Variants in PMFBP1 observed in about 807,000 individuals in gnomAD.
The protein encoded by PMFBP1 is polyamine modulated factor 1 binding protein 1, also known as polyamine-modulated factor 1-binding protein 1.
Under a neutral mutation model 137.8 loss-of-function variants are expected in PMFBP1, and 131 were observed. The ratio of observed to expected loss-of-function variants is 0.95; its 90% CI spans 0.82 to 1.10. PMFBP1 has a LOEUF of 1.10. PMFBP1 is among the 50% of genes least tolerant of loss of function. The pLI is 0.00. For synonymous variants in PMFBP1, 490 were observed against 450.4 expected, an observed-to-expected ratio of 1.09 and a Z score of -1.11; for missense variants, 1,199 against 1,175.4, an observed-to-expected ratio of 1.02 and a Z score of -0.29.
At chr16:72,211,793 G>A in the PMFBP1 span, among the ~76,000 whole-genome samples, 43 of 152,218 alleles carry the variant, frequency 2.8e-4, no homozygotes, top group African/African-American at 9.6e-4. Context: ...TCAGGAGTTC[G>A]AGAGCAGTGT....
upstream of PMFBP1, among the ~76,000 whole-genome samples, chr16:72,175,434 A>T (rs2043255229): frequency 6.6e-6 from 1 of 152,212 alleles, no homozygotes; most frequent in Non-Finnish European, 1.5e-5. Context: ...GGTTACACAA[A>T]TGCCGTAATC....
the PMFBP1 span, among the ~76,000 whole-genome samples, chr16:72,200,642 A>T: frequency 6.6e-6 from 1 of 152,276 alleles, no homozygotes; most frequent in Non-Finnish European, 1.5e-5. Context: ...CTGTGCTATT[A>T]TGCTAATATC....
chr16:72,201,173 A>C, the PMFBP1 span, among the ~76,000 whole-genome samples: 94 of 152,274 alleles, frequency 6.2e-4, no homozygotes, highest in African/African-American at 1.9e-3. Flanking sequence ...GCAATACTTT[A>C]ACAGTGACCT....
intron 4 of PMFBP1, among the ~76,000 whole-genome samples, chr16:72,152,795 A>C (rs1035920456): frequency 2.0e-5 from 3 of 151,046 alleles, no homozygotes; most frequent in Non-Finnish European, 4.4e-5. Context: ...CAGAGAGCCA[A>C]GATCGGGCCA....
At chr16:72,130,422 G>A (rs905958049) in intron 11 of PMFBP1, 65 bp from the exon 12 acceptor site, 5 of 1,609,150 alleles carry the variant, frequency 3.1e-6, no homozygotes, top group Non-Finnish European at 3.4e-6. Flanking sequence ...TTGTGGAGCT[G>A]ACCCAATGGG....
At chr16:72,220,162 T>TA in the PMFBP1 span, among the ~76,000 whole-genome samples, 1 of 152,234 alleles carries the variant, frequency 6.6e-6, no homozygotes, top group African/African-American at 2.4e-5. Flanking sequence ...TTATACTCTT[T>TA]AAATCAAATC....
the PMFBP1 span, among the ~76,000 whole-genome samples, chr16:72,232,370 A>G: frequency 6.6e-6 from 1 of 152,166 alleles, no homozygotes; most frequent in Non-Finnish European, 1.5e-5. Flanking sequence ...CTCTCTGGAA[A>G]AGACATGCAT....
chr16:72,217,972 C>G, the PMFBP1 span, among the ~76,000 whole-genome samples: 3 of 152,308 alleles, frequency 2.0e-5, no homozygotes, highest in Non-Finnish European at 4.4e-5. Flanking sequence ...CATGATGCCT[C>G]CAAACACGGG....
At chr16:72,180,472 CGACCACATT>C (rs981566305), upstream of PMFBP1, among the ~76,000 whole-genome samples, 1 of 152,146 alleles carries the variant, frequency 6.6e-6, no homozygotes, top group African/African-American at 2.4e-5. Context: ...GTGGAGCTAT[CGACCACATT>C]GACTGAAGCC....
At chr16:72,158,479 G>A (rs1042884050) in intron 3 of PMFBP1, among the ~76,000 whole-genome samples, 2 of 152,062 alleles carry the variant, frequency 1.3e-5, no homozygotes, top group African/African-American at 4.8e-5. Context: ...TGGCGTGTGT[G>A]GTGTGCTCAT....
At chr16:72,175,388 A>T (rs1179554598), upstream of PMFBP1, among the ~76,000 whole-genome samples, 1 of 152,206 alleles carries the variant, frequency 6.6e-6, no homozygotes, top group Non-Finnish European at 1.5e-5. Flanking sequence ...TGTGAAACAC[A>T]TCAGTTAGTA....
At chr16:72,210,820 G>C in the PMFBP1 span, among the ~76,000 whole-genome samples, 1 of 152,102 alleles carries the variant, frequency 6.6e-6, no homozygotes, top group African/African-American at 2.4e-5. Flanking sequence ...TACAGTAAGA[G>C]TGATGCTAGC....
the PMFBP1 span, among the ~76,000 whole-genome samples, chr16:72,225,345 C>G: frequency 2.0e-5 from 3 of 152,060 alleles, no homozygotes; most frequent in African/African-American, 4.8e-5. Flanking sequence ...GTCAAGCTTA[C>G]CACCTTAGGT....
At chr16:72,171,128 T>C (rs2043215021) in intron 2 of PMFBP1, 69 bp downstream of exon 2, 4 of 1,539,342 alleles carry the variant, frequency 2.6e-6, no homozygotes, top group African/African-American at 1.4e-5. Flanking sequence ...TTTTGAATCA[T>C]AAAACATGAA....
the PMFBP1 span, among the ~76,000 whole-genome samples, chr16:72,182,439 T>C: frequency 7.1e-6 from 1 of 140,714 alleles, no homozygotes; most frequent in African/African-American, 2.7e-5. Flanking sequence ...GAGGTGGCAG[T>C]GAGCTGAGAT....
At chr16:72,220,422 G>A in the PMFBP1 span, among the ~76,000 whole-genome samples, 1 of 152,070 alleles carries the variant, frequency 6.6e-6, no homozygotes, top group South Asian at 2.1e-4. Flanking sequence ...TCAGTATATC[G>A]CAAATGCATA....
At chr16:72,237,943 T>C in the PMFBP1 span, among the ~76,000 whole-genome samples, 2 of 152,192 alleles carry the variant, frequency 1.3e-5, no homozygotes, top group African/African-American at 4.8e-5. Context: ...TAATGGCCTC[T>C]AGCTCCATCC....
the PMFBP1 span, among the ~76,000 whole-genome samples, chr16:72,201,042 G>A: frequency 1.3e-5 from 2 of 152,296 alleles, no homozygotes; most frequent in South Asian, 2.1e-4. Flanking sequence ...TTGTTTCGCA[G>A]CCTGAATAAC....
At chr16:72,232,730 T>C in the PMFBP1 span, among the ~76,000 whole-genome samples, 5 of 152,104 alleles carry the variant, frequency 3.3e-5, no homozygotes, top group Non-Finnish European at 5.9e-5. Context: ...GGGACTGACA[T>C]GAAGAGGTTG....
Sources: allele counts gnomAD v4.1 joint callset (sites outside exome capture counted in the v4.1 genomes callset), GRCh38; gene constraint gnomAD v4.1.1; transcripts MANE v1.5; gene names NCBI Gene and HGNC (gene_info 2026-07-23, HGNC 2026-07-21).